CCDC196: variants seen among roughly 807,000 people sequenced by gnomAD.
The protein encoded by CCDC196 is coiled-coil domain-containing protein 196.
In CCDC196 at chr14:66,497,947, C is replaced by T. The variant is rs555983777; in HGVS notation, c.716-162C>T. 1.2e-4 allele frequency among the ~76,000 whole-genome samples: 18 copies of T among 151,466 alleles called. No individual in the cohort carries two copies. The South Asian group carries it at 3.3e-3, about 28-fold the overall frequency. On this transcript the variant is annotated intron_variant, in intron 8 of 9. Coordinates refer to ENST00000636229, the MANE Select transcript of CCDC196 (RefSeq NM_001351576.1). ...ACAGAAAAACAGTCTGCCACTCCAA[C>T]TTCTGAAATATTGTTTGACAAAGTT...
At chr14:66,494,401 G>T (rs1594744936) in intron 8 of CCDC196, among the ~76,000 whole-genome samples, 1 of 151,992 alleles carries the variant, frequency 6.6e-6, no homozygotes, top group East Asian at 1.9e-4. Flanking sequence ...CTTCATAAAG[G>T]ATTTTAAAAC....
intron 8 of CCDC196, among the ~76,000 whole-genome samples, chr14:66,494,156 G>A (rs1042513167): frequency 6.6e-6 from 1 of 152,056 alleles, no homozygotes; most frequent in Non-Finnish European, 1.5e-5. Context: ...GGTACTATAC[G>A]GCTTAGTTAC....
intron 8 of CCDC196, chr14:66,494,072 G>A (rs1284744267): frequency 6.6e-6 from 1 of 152,166 alleles, no homozygotes. Context: ...AATCAACTTT[G>A]AATTGGAACA....
At chr14:66,491,788 A>C (rs2057543122) in intron 7 of CCDC196, 103 bp downstream of exon 7, 24 of 412,410 alleles carry the variant, frequency 5.8e-5, no homozygotes. Context: ...ATCCTAGATT[A>C]CCGATTGCCC....
rs979625868 is a variant in CCDC196 at position 66,495,046 on chromosome 14, T to C, written c.715+2852T>C. ...GTATCAAAAAAAAAAAAAAAAGACA[T>C]AGAGAACTTTAAAGAAAGCCAGCAC... On this transcript the variant is annotated intron_variant, in intron 8 of 9. Coordinates refer to ENST00000636229, the MANE Select transcript of CCDC196 (RefSeq NM_001351576.1). Among the ~76,000 whole-genome samples, 7 of 149,310 alleles carry C rather than the reference T, an allele frequency of 4.7e-5. No individual in the cohort carries two copies. The South Asian group carries it at 6.4e-4, about 14-fold the overall frequency.
chr14:66,486,980 C>A, intron 2 of CCDC196, among the ~76,000 whole-genome samples, 171 bp downstream of exon 2: 1 of 152,010 alleles, frequency 6.6e-6, no homozygotes, highest in Non-Finnish European at 1.5e-5. Flanking sequence ...GACAACAAAT[C>A]CTTTATTTTC....
intron 4 of CCDC196, among the ~76,000 whole-genome samples, chr14:66,490,173 C>G (rs909346917): frequency 3.3e-5 from 5 of 152,134 alleles, no homozygotes; most frequent in African/African-American, 1.2e-4. Context: ...TGTGCCAGCA[C>G]AATTCCTCTA....
chr14:66,498,541 C>A lies in CCDC196; in HGVS notation c.*69C>A, dbSNP rs778988116. ...CACAGCCATTTGTGTTAATTAAAAT[C>A]TCTCGCACCTTTGTTTTAGTGCTGT... On this transcript the variant is annotated 3_prime_UTR_variant, in exon 10 of 10. Transcript: ENST00000636229. The A allele has an allele frequency of 4.9e-5, 20 of 409,920 alleles. No individual in the cohort carries two copies. The highest frequency in any genetic ancestry group is 8.0e-5 in the Non-Finnish European group (18 of 224,562). 25.4% of individuals were successfully genotyped at this position (409,920 alleles called of 1,614,324 possible). A position where few individuals can be genotyped will look rare whatever the true frequency, so the allele number is the denominator to read the frequency against.
chr14:66,490,330 C>T (rs1310507645), intron 4 of CCDC196, among the ~76,000 whole-genome samples: 2 of 152,172 alleles, frequency 1.3e-5, no homozygotes, highest in African/African-American at 2.4e-5. Context: ...GTTCAAATTC[C>T]AACTCTGTAC....
intron 8 of CCDC196, among the ~76,000 whole-genome samples, chr14:66,495,272 G>A (rs907627643): frequency 2.0e-5 from 3 of 152,174 alleles, no homozygotes. Context: ...TCAGATACAT[G>A]AGTTGCAGGC....
chr14:66,494,114 T>C (rs1013434809), intron 8 of CCDC196, among the ~76,000 whole-genome samples: 12 of 152,186 alleles, frequency 7.9e-5, no homozygotes, highest in African/African-American at 2.9e-4. Flanking sequence ...TTCTCTCCTT[T>C]CCTTTTATGT....
At chr14:66,496,381 G>A in intron 8 of CCDC196, 2 of 456,048 alleles carry the variant, frequency 4.4e-6, no homozygotes, top group South Asian at 3.1e-5. Flanking sequence ...TACTGATTTT[G>A]TTACACTTCA....
At position 66,488,974 on chromosome 14, in the gene CCDC196, C is replaced by G. The variant is rs1447246020; in HGVS notation, c.301-13C>G. Reference sequence around the variant, plus strand: ...ACATGCTTCTGTTTGTTTGGTTCTTCCCCCTCCAACAGGAAAGGAAAAACA... The same window carrying G: ...ACATGCTTCTGTTTGTTTGGTTCTTGCCCCTCCAACAGGAAAGGAAAAACA... On this transcript the variant is annotated splice_polypyrimidine_tract_variant and intron_variant, in intron 3 of 9. Transcript: ENST00000636229. 3 of 413,176 alleles carry G rather than the reference C, an allele frequency of 7.3e-6. No homozygotes were observed. The highest frequency in any genetic ancestry group is 1.3e-5 in the Non-Finnish European group (3 of 225,942). The allele number at this position is 413,176 out of a possible 1,614,324, so 25.6% of individuals were successfully genotyped here.
In CCDC196 at chr14:66,498,170, G is replaced by A. The variant is rs559980395; in HGVS notation, c.774+3G>A. On this transcript the variant is annotated splice_donor_region_variant and intron_variant, in intron 9 of 9. Transcript: ENST00000636229. ...CTGGCAGAAATGAACACCATGTGGT[G>A]AGAACTACTTTCTTTAAACAAACAA... 9.7e-6 allele frequency: 4 copies of A among 412,804 alleles called. No homozygotes were observed. The highest frequency in any genetic ancestry group is 8.2e-5 in the African/African-American group (4 of 48,664). 25.6% of individuals were successfully genotyped at this position (412,804 alleles called of 1,614,324 possible). A position where few individuals can be genotyped will look rare whatever the true frequency, so the allele number is the denominator to read the frequency against.
At chr14:66,497,524 T>C (rs910602339) in intron 8 of CCDC196, among the ~76,000 whole-genome samples, 2 of 152,170 alleles carry the variant, frequency 1.3e-5, no homozygotes, top group Non-Finnish European at 2.9e-5. Flanking sequence ...AGTATAAGTG[T>C]GTCCCAAATA....
intron 8 of CCDC196, chr14:66,494,667 G>A (rs1340614354): frequency 6.6e-6 from 1 of 152,118 alleles, no homozygotes; most frequent in South Asian, 2.1e-4. Context: ...AGATTTTAAT[G>A]TTCTAGAAAA....
intron 8 of CCDC196, among the ~76,000 whole-genome samples, chr14:66,497,842 C>T (rs1226565106): frequency 1.3e-5 from 2 of 152,048 alleles, no homozygotes; most frequent in East Asian, 3.8e-4. Flanking sequence ...TATATATACA[C>T]ATAACTTATT....
chr14:66,486,448 A>G lies in CCDC196; in HGVS notation c.-55A>G. ...AAAATAATGACTTAACTGGATAGAA[A>G]AAAAGGCACATATTTTCAGGAAGGC... On this transcript the variant is annotated 5_prime_UTR_variant, in exon 1 of 10. Transcript: ENST00000636229. 2.5e-6 allele frequency: 1 copy of G among 403,246 alleles called. No homozygotes were observed. Among genetic ancestry groups the G allele is most frequent in the Non-Finnish European group, 4.4e-6 (1 of 225,924 alleles). The allele number at this position is 403,246 out of a possible 1,614,324, so 25.0% of individuals were successfully genotyped here.
At chr14:66,498,325 C>T (rs1408025899) in intron 9 of CCDC196, 28 bp from the exon 10 acceptor site, 3 of 412,468 alleles carry the variant, frequency 7.3e-6, no homozygotes, top group African/African-American at 2.1e-5. Flanking sequence ...TTTTAGCTGT[C>T]CTTTTTCCTC....
Sources: gnomAD v4.1 joint callset for allele counts (sites outside exome capture counted in the v4.1 genomes callset) on GRCh38, gnomAD v4.1.1 for gene constraint, MANE v1.5 for transcripts, NCBI Gene and HGNC (gene_info 2026-07-23, HGNC 2026-07-21) for gene names.